MB21D2: variants seen among roughly 807,000 people sequenced by gnomAD.
The protein encoded by MB21D2 is Mab-21 domain containing 2.
MB21D2 carries 9 observed loss-of-function variants against 33.3 expected under a neutral mutation model. That is an observed-to-expected ratio of 0.27 (90% CI 0.16 to 0.47). MB21D2 has a LOEUF of 0.47. MB21D2 is among the 20% of genes least tolerant of loss of function. MB21D2 has a pLI of 0.99. For missense variants in MB21D2, 540 were observed against 624.6 expected (o/e 0.86, Z 1.44); for synonymous variants, 241 against 236.3 (o/e 1.02, Z -0.18).
intron 1 of MB21D2, among the ~76,000 whole-genome samples, chr3:192,870,803 T>G (rs1317439050): frequency 6.7e-6 from 1 of 149,528 alleles, no homozygotes; most frequent in Non-Finnish European, 1.5e-5. Flanking sequence ...GCAAAACCGA[T>G]GTAGAAACAG....
At chr3:192,882,805 G>T (rs1713634366) in intron 1 of MB21D2, among the ~76,000 whole-genome samples, 1 of 151,714 alleles carries the variant, frequency 6.6e-6, no homozygotes, top group African/African-American at 2.4e-5. Flanking sequence ...CACGATCTTG[G>T]CTCACTGCAA....
intron 1 of MB21D2, among the ~76,000 whole-genome samples, chr3:192,802,443 T>C (rs1481328915): frequency 1.3e-5 from 2 of 152,196 alleles, no homozygotes; most frequent in African/African-American, 4.8e-5. Flanking sequence ...AAACAGAAGA[T>C]ACTACCTACT....
At chr3:192,897,905 C>T (rs1263052076) in intron 1 of MB21D2, among the ~76,000 whole-genome samples, 1 of 151,872 alleles carries the variant, frequency 6.6e-6, no homozygotes, top group African/African-American at 2.4e-5. Context: ...GCACTTGAGC[C>T]CAGGAGCTGT....
At chr3:192,842,776 G>A (rs900762663) in intron 1 of MB21D2, among the ~76,000 whole-genome samples, 1 of 152,126 alleles carries the variant, frequency 6.6e-6, no homozygotes, top group African/African-American at 2.4e-5. Context: ...TCAGATCCAG[G>A]GATTTTTTGG....
At position 192,820,682 on chromosome 3, in the gene MB21D2, A is replaced by T. The variant is rs76917920; in HGVS notation, c.212-21032T>A. Reference sequence around the variant, plus strand: ...CTCTGCAAAGGCCCAACCTCCTCACAGATGCTCCGCTGCCTCGTTCAGCCA... The same window carrying T: ...CTCTGCAAAGGCCCAACCTCCTCACTGATGCTCCGCTGCCTCGTTCAGCCA... On this transcript the variant is annotated intron_variant, in intron 1 of 1. Transcript: ENST00000392452. Among the ~76,000 whole-genome samples, 93 of 152,326 alleles carry T rather than the reference A, an allele frequency of 6.1e-4. 1 individual carries two copies. The East Asian group carries it at 0.017, about 27-fold the overall frequency.
chr3:192,805,953 C>A (rs1373789829), intron 1 of MB21D2, among the ~76,000 whole-genome samples: 1 of 152,192 alleles, frequency 6.6e-6, no homozygotes, highest in African/African-American at 2.4e-5. Context: ...GCCTCTAGCA[C>A]ATGCAAGGCA....
chr3:192,903,623 T>C (rs552607174), intron 1 of MB21D2, among the ~76,000 whole-genome samples: 44 of 152,250 alleles, frequency 2.9e-4, no homozygotes, highest in Non-Finnish European at 5.4e-4. Flanking sequence ...ATAAGGATAA[T>C]AGTACTAATA....
At chr3:192,826,632 T>TCA (rs1161204284) in intron 1 of MB21D2, among the ~76,000 whole-genome samples, 3 of 152,244 alleles carry the variant, frequency 2.0e-5, no homozygotes, top group African/African-American at 7.2e-5. Flanking sequence ...TGACCCCATG[T>TCA]CAGTTAGTGT....
At chr3:192,823,230 T>C (rs1420195857) in intron 1 of MB21D2, among the ~76,000 whole-genome samples, 1 of 152,214 alleles carries the variant, frequency 6.6e-6, no homozygotes, top group Non-Finnish European at 1.5e-5. Context: ...ATTGTTTAGG[T>C]TTAATTTTAA....
intron 1 of MB21D2, among the ~76,000 whole-genome samples, chr3:192,902,428 G>A (rs577788435): frequency 6.6e-6 from 1 of 152,312 alleles, no homozygotes; most frequent in African/African-American, 2.4e-5. Flanking sequence ...TATCTATAAA[G>A]TGCGGACAGG....
At chr3:192,813,779 T>C (rs945909323) in intron 1 of MB21D2, among the ~76,000 whole-genome samples, 3 of 152,308 alleles carry the variant, frequency 2.0e-5, no homozygotes, top group East Asian at 1.9e-4. Context: ...TCATTTTTTT[T>C]CCCATCAAGT....
chr3:192,857,548 G>C (rs965439817), intron 1 of MB21D2, among the ~76,000 whole-genome samples: 2 of 152,050 alleles, frequency 1.3e-5, no homozygotes, highest in South Asian at 2.1e-4. Flanking sequence ...TTCAGCGTGC[G>C]CATCTTGCCG....
chr3:192,869,514 CT>C (rs1207467426), intron 1 of MB21D2, among the ~76,000 whole-genome samples: 1 of 152,202 alleles, frequency 6.6e-6, no homozygotes, highest in African/African-American at 2.4e-5. Context: ...CTGGAACAAA[CT>C]CCAAGCACAA....
At chr3:192,874,345 A>G (rs1193165356) in intron 1 of MB21D2, among the ~76,000 whole-genome samples, 1 of 152,234 alleles carries the variant, frequency 6.6e-6, no homozygotes, top group African/African-American at 2.4e-5. Flanking sequence ...AGCTAGAATC[A>G]AGGTCCATTC....
chr3:192,807,990 C>T (rs970952219), intron 1 of MB21D2, among the ~76,000 whole-genome samples: 4 of 151,822 alleles, frequency 2.6e-5, no homozygotes, highest in African/African-American at 9.7e-5. Context: ...GGGCGCTTTT[C>T]TTTCCTTAAC....
chr3:192,838,581 G>A (rs377728520), intron 1 of MB21D2, among the ~76,000 whole-genome samples: 16 of 151,710 alleles, frequency 1.1e-4, no homozygotes, highest in East Asian at 7.8e-4. Context: ...GGCGCCCACC[G>A]CCACACCCAG....
intron 1 of MB21D2, among the ~76,000 whole-genome samples, chr3:192,865,116 T>C (rs1713142600): frequency 6.6e-6 from 1 of 152,148 alleles, no homozygotes; most frequent in South Asian, 2.1e-4. Context: ...TGGAGGAGCA[T>C]GAGGATGTCA....
chr3:192,893,585 A>G (rs1322190878), intron 1 of MB21D2, among the ~76,000 whole-genome samples: 3 of 152,224 alleles, frequency 2.0e-5, no homozygotes, highest in Admixed American at 6.5e-5. Context: ...TTCCTCAAAC[A>G]TCTGGGAAAC....
chr3:192,843,566 A>C (rs1470328381), intron 1 of MB21D2, among the ~76,000 whole-genome samples: 2 of 152,178 alleles, frequency 1.3e-5, no homozygotes, highest in African/African-American at 4.8e-5. Flanking sequence ...AAATTCACAG[A>C]AATATAAACA....
Sources: allele counts gnomAD v4.1 joint callset (sites outside exome capture counted in the v4.1 genomes callset), GRCh38; gene constraint gnomAD v4.1.1; transcripts MANE v1.5; gene names NCBI Gene and HGNC (gene_info 2026-07-23, HGNC 2026-07-21).